BCAR3: variants seen among roughly 807,000 people sequenced by gnomAD.
BCAR3 encodes breast cancer anti-estrogen resistance protein 3.
BCAR3 carries 37 observed loss-of-function variants against 80.1 expected under a neutral mutation model. The ratio of observed to expected loss-of-function variants is 0.46; its 90% confidence interval spans 0.36 to 0.61. The LOEUF is 0.61. Among genes scored for constraint, BCAR3 ranks in the 20% least tolerant of loss-of-function variants. The pLI is 0.00. For missense variants in BCAR3, 978 were observed against 1,068.2 expected (o/e 0.92, Z 1.18); for synonymous variants, 389 against 418.9 (o/e 0.93, Z 0.87).
intron 2 of BCAR3, among the ~76,000 whole-genome samples, chr1:93,650,451 C>T (rs1571007424): frequency 1.3e-5 from 2 of 152,178 alleles, no homozygotes; most frequent in African/African-American, 4.8e-5. Flanking sequence ...TGAACACAGG[C>T]TATAAAGCCA....
intron 4 of BCAR3, 71 bp from the exon 5 acceptor site, chr1:93,589,490 C>T: frequency 7.4e-7 from 1 of 1,344,434 alleles, no homozygotes; most frequent in Non-Finnish European, 1.0e-6. Context: ...TTATGGCTAC[C>T]CACTTCTCTG....
At position 93,789,813 on chromosome 1, in the gene BCAR3, G is replaced by A. The variant is rs113863071; in HGVS notation, c.-63+55754C>T. ...TCCTCATTAGCATAGGGAGAAACAA[G>A]ATCAGGATTGCAATTAGGATTATTT... On this transcript the variant is annotated intron_variant, in intron 2 of 13. Coordinates refer to the BCAR3 transcript ENST00000370244. 9.2e-4 allele frequency among the ~76,000 whole-genome samples: 140 copies of A among 152,330 alleles called. 3 individuals are homozygous for A. The highest frequency in any genetic ancestry group is 3.2e-3 in the African/African-American group (135 of 41,574).
intron 2 of BCAR3, among the ~76,000 whole-genome samples, chr1:93,819,888 T>C (rs976845491): frequency 6.6e-5 from 10 of 152,210 alleles, no homozygotes; most frequent in Admixed American, 3.9e-4. Context: ...TCATACCTGA[T>C]AGACAGTTTT....
At chr1:93,714,668 T>G (rs1464665447) in intron 2 of BCAR3, among the ~76,000 whole-genome samples, 1 of 152,158 alleles carries the variant, frequency 6.6e-6, no homozygotes, top group Non-Finnish European at 1.5e-5. Flanking sequence ...GGATAAAAAT[T>G]CTTTTAACAT....
chr1:93,725,001 A>T (rs1385679588), intron 2 of BCAR3, among the ~76,000 whole-genome samples: 1 of 152,174 alleles, frequency 6.6e-6, no homozygotes, highest in Non-Finnish European at 1.5e-5. Context: ...CTGTGGGGTA[A>T]GTTGCACCAG....
At chr1:93,840,171 G>A (rs1045338859) in intron 2 of BCAR3, among the ~76,000 whole-genome samples, 1 of 152,172 alleles carries the variant, frequency 6.6e-6, no homozygotes, top group African/African-American at 2.4e-5. Context: ...TTTGAAGACC[G>A]CTAGTCTAAC....
At chr1:93,701,184 A>G (rs1571058281) in intron 3 of BCAR3, among the ~76,000 whole-genome samples, 1 of 152,240 alleles carries the variant, frequency 6.6e-6, no homozygotes, top group African/African-American at 2.4e-5. Context: ...CATGGAGCAC[A>G]GGGCCTGCCA....
Position 93,832,574 on chromosome 1 carries a change from G to A in BCAR3, c.-63+12993C>T, listed in dbSNP as rs565397078. ...CTCGGAAGCCTACAGGACCATCACA[G>A]ATGCTTTGGGTAACTCTTACAGTGG... On this transcript the variant is annotated intron_variant, in intron 2 of 13. Transcript: ENST00000370244. Among the ~76,000 whole-genome samples the A allele has an allele frequency of 8.5e-5, 13 of 152,262 alleles. No homozygotes were observed. The East Asian group carries it at 2.5e-3, about 29-fold the overall frequency.
Position 93,588,957 on chromosome 1 carries a change from C to T in BCAR3, c.929+20G>A. The T allele has an allele frequency of 6.5e-7, 1 of 1,537,414 alleles. No homozygotes were observed. The highest frequency in any genetic ancestry group is 1.4e-5 in the African/African-American group (1 of 73,126). On this transcript the variant is annotated intron_variant, in intron 5 of 11. Coordinates refer to ENST00000260502, the MANE Select transcript of BCAR3 (RefSeq NM_003567.4). ...CACCCCGGCGCCCCTCATAGTCCTGCAGAGGAGGCCCTGACCTACCTGAGG... is the reference window on the plus strand; with the variant it reads ...CACCCCGGCGCCCCTCATAGTCCTGTAGAGGAGGCCCTGACCTACCTGAGG...
At chr1:93,642,824 G>C (rs1003188139) in intron 2 of BCAR3, among the ~76,000 whole-genome samples, 4 of 152,244 alleles carry the variant, frequency 2.6e-5, no homozygotes, top group Non-Finnish European at 5.9e-5. Context: ...CCCAGTGCCT[G>C]GGTGATGGAG....
intron 1 of BCAR3, among the ~76,000 whole-genome samples, chr1:93,680,372 C>T (rs974143481): frequency 9.9e-5 from 15 of 152,124 alleles, no homozygotes; most frequent in Admixed American, 3.3e-4. Context: ...AAGGTCTTTA[C>T]GTTATCCTCA....
chr1:93,749,467 T>C (rs1403994914), intron 2 of BCAR3, among the ~76,000 whole-genome samples: 5 of 151,468 alleles, frequency 3.3e-5, no homozygotes, highest in Admixed American at 2.6e-4. Flanking sequence ...CAGGAGCCTG[T>C]AGTCCCAGCT....
chr1:93,729,872 G>A (rs531586558), intron 2 of BCAR3, among the ~76,000 whole-genome samples: 2 of 152,266 alleles, frequency 1.3e-5, no homozygotes, highest in Non-Finnish European at 2.9e-5. Flanking sequence ...TCATTTCTAC[G>A]CTTCTCTCTA....
intron 3 of BCAR3, among the ~76,000 whole-genome samples, chr1:93,696,626 G>T (rs2101968487): frequency 6.6e-6 from 1 of 152,164 alleles, no homozygotes; most frequent in Non-Finnish European, 1.5e-5. Flanking sequence ...TTTCTGAAAG[G>T]CAAGCTTGAT....
chr1:93,846,939 A>T, intron 1 of BCAR3: 1 of 443,320 alleles, frequency 2.3e-6, no homozygotes, highest in Non-Finnish European at 4.6e-6. Context: ...AACCCCGCGC[A>T]AATAAACACG....
At chr1:93,626,762 T>C (rs567934123) in intron 3 of BCAR3, among the ~76,000 whole-genome samples, 48 of 152,306 alleles carry the variant, frequency 3.2e-4, no homozygotes, top group Non-Finnish European at 6.2e-4. Flanking sequence ...CGAGTACATG[T>C]CTCTTTAGTA....
At chr1:93,817,011 CT>C (rs1654045142) in intron 2 of BCAR3, among the ~76,000 whole-genome samples, 1 of 152,210 alleles carries the variant, frequency 6.6e-6, no homozygotes, top group African/African-American at 2.4e-5. Flanking sequence ...GAACTAGCCT[CT>C]GTCCTGAGCT....
intron 1 of BCAR3, among the ~76,000 whole-genome samples, chr1:93,680,945 TC>T (rs1212520576): frequency 1.3e-5 from 2 of 152,058 alleles, no homozygotes; most frequent in Non-Finnish European, 2.9e-5. Context: ...CCACCGTCCC[TC>T]CCTTCCTTTG....
intron 2 of BCAR3, among the ~76,000 whole-genome samples, chr1:93,777,378 CTCTTCTTCTTCCTCT>C (rs1652595162): frequency 7.1e-6 from 1 of 140,114 alleles, no homozygotes; most frequent in Admixed American, 7.0e-5. Flanking sequence ...CTTCTTCCTC[CTCTTCTTCTTCCTCT>C]TCTTCCTCTT....
Sources: allele counts gnomAD v4.1 joint callset (sites outside exome capture counted in the v4.1 genomes callset), GRCh38; gene constraint gnomAD v4.1.1; transcripts MANE v1.5; gene names NCBI Gene and HGNC (gene_info 2026-07-23, HGNC 2026-07-21).